The following SLC2A1 variants were observed in gnomAD, a reference collection of about 807,000 sequenced individuals.
The protein encoded by SLC2A1 is solute carrier family 2 member 1.
SLC2A1 carries 4 observed loss-of-function variants against 46.6 expected under a neutral mutation model. That is an observed-to-expected ratio of 0.09 (90% confidence interval 0.04 to 0.20). The LOEUF is 0.20. SLC2A1 is among the 10% of genes least tolerant of loss of function. The pLI is 1.00. For synonymous variants in SLC2A1, 253 were observed against 270.0 expected, an observed-to-expected ratio of 0.94 and a Z score of 0.62; for missense variants, 352 against 667.0, an observed-to-expected ratio of 0.53 and a Z score of 5.20.
chr1:42,948,687 G>T (rs955243699), intron 1 of SLC2A1, among the ~76,000 whole-genome samples: 6 of 152,162 alleles, frequency 3.9e-5, no homozygotes, highest in African/African-American at 1.4e-4. Context: ...CCAGCACTCT[G>T]GTAGGCCGAG....
intron 2 of SLC2A1, among the ~76,000 whole-genome samples, chr1:42,941,921 G>A (rs896873727): frequency 1.3e-5 from 2 of 152,262 alleles, no homozygotes; most frequent in Non-Finnish European, 1.5e-5. Flanking sequence ...CCCTGCAGCT[G>A]AGCATGACTC....
Position 42,930,062 on chromosome 1 carries a change from C to T in SLC2A1, c.517-27G>A, listed in dbSNP as rs377069598. ...TGGGGGAAGCAGGGGCCGTGAGCGCCTCTGCCCTGACCCCCTTTCCCACCC... is the reference window on the plus strand; with the variant it reads ...TGGGGGAAGCAGGGGCCGTGAGCGCTTCTGCCCTGACCCCCTTTCCCACCC... On this transcript the variant is annotated intron_variant, in intron 4 of 9. Transcript: ENST00000426263. The surrounding 1 kb of genome is among the most constrained non-coding windows in gnomAD (Gnocchi z 6.2). 49 of 1,612,750 alleles carry T rather than the reference C, an allele frequency of 3.0e-5. No homozygotes were observed. Among genetic ancestry groups the T allele is most frequent in the Non-Finnish European group, 4.1e-5 (48 of 1,179,884 alleles).
chr1:42,942,901 T>G, intron 2 of SLC2A1: 4 of 386,836 alleles, frequency 1.0e-5, no homozygotes, highest in East Asian at 5.9e-5. Context: ...AAATGCAGCA[T>G]TATTGTATTG....
Position 42,927,297 on chromosome 1 carries a change from G to A in SLC2A1, c.1279-56C>T. The A allele has an allele frequency of 5.9e-6, 9 of 1,537,926 alleles. No individual in the cohort carries two copies. Among genetic ancestry groups the A allele is most frequent in the East Asian group, 2.3e-5 (1 of 44,346 alleles). On this transcript the variant is annotated intron_variant, in intron 9 of 9. Transcript: ENST00000426263. This position sits in a 1 kb window ranked among gnomAD's most constrained non-coding sequence, Gnocchi z 5.3. ...GTCATGACCCTACATCCTGGCTGTA[G>A]GACTTTGGATAAGTCACTTTACCTT... is the stretch of plus-strand genomic sequence containing the variant.
At chr1:42,941,808 C>G (rs564806425) in intron 2 of SLC2A1, among the ~76,000 whole-genome samples, 2 of 152,206 alleles carry the variant, frequency 1.3e-5, no homozygotes, top group African/African-American at 4.8e-5. Flanking sequence ...CACACTTTGG[C>G]AAGAGCTGTC....
Position 42,943,118 on chromosome 1 carries a change from C to A in SLC2A1, c.114+108G>T, listed in dbSNP as rs371616227. ...GGCTGGAGAGGCAGACAGTACAGTG[C>A]GTTCATATAAATGACTCTAATTCAG... On this transcript the variant is annotated intron_variant, in intron 2 of 9. Coordinates refer to ENST00000426263, the MANE Select transcript of SLC2A1 (RefSeq NM_006516.4). The A allele has an allele frequency of 3.9e-6, 3 of 768,892 alleles. No individual in the cohort carries two copies. The African/African-American group carries it at 5.2e-5, about 13-fold the overall frequency. The allele number at this position is 768,892 out of a possible 1,614,324, so 47.6% of individuals were successfully genotyped here.
At chr1:42,928,297 C>A (rs1304741367) in intron 8 of SLC2A1, among the ~76,000 whole-genome samples, 1 of 152,212 alleles carries the variant, frequency 6.6e-6, no homozygotes, top group African/African-American at 2.4e-5. Context: ...TCGGCAACCA[C>A]CAAACTTTCC....
Position 42,929,190 on chromosome 1 carries a change from G to T in SLC2A1, c.972+20C>A, listed in dbSNP as rs781545555. On this transcript the variant is annotated intron_variant, in intron 7 of 9. Transcript: ENST00000426263. The surrounding 1 kb of genome is among the most constrained non-coding windows in gnomAD (Gnocchi z 6.0). The stretch of plus-strand genomic sequence containing the variant: ...TCCTCCCTGGGGTTTGGCTGGGGGG[G>T]CCAGTAAGCAAAGACTCACCGACAC... The T allele has an allele frequency of 1.2e-6, 2 of 1,603,720 alleles. No homozygotes were observed. The highest frequency in any genetic ancestry group is 1.7e-6 in the Non-Finnish European group (2 of 1,170,774).
chr1:42,947,053 C>A (rs570502728), intron 1 of SLC2A1, among the ~76,000 whole-genome samples: 1 of 152,316 alleles, frequency 6.6e-6, no homozygotes, highest in East Asian at 1.9e-4. Flanking sequence ...TTTGCTGGAT[C>A]GGTGAAGAAT....
chr1:42,958,202 G>A (rs985440662), intron 1 of SLC2A1, among the ~76,000 whole-genome samples: 114 of 151,790 alleles, frequency 7.5e-4, no homozygotes, highest in Non-Finnish European at 1.3e-3. Context: ...CCGGGGCCGG[G>A]CCGGGGGCTC....
rs768474648 is a variant in SLC2A1, at chr1:42,927,276, T to C, written c.1279-35A>G. On this transcript the variant is annotated intron_variant, in intron 9 of 9. Coordinates refer to ENST00000426263, the MANE Select transcript of SLC2A1 (RefSeq NM_006516.4). The surrounding 1 kb of genome is among the most constrained non-coding windows in gnomAD (Gnocchi z 5.3). The stretch of plus-strand genomic sequence containing the variant: ...ACACAGACACACTTGGTTGGAGTCA[T>C]GACCCTACATCCTGGCTGTAGGACT... The C allele has an allele frequency of 1.3e-6, 2 of 1,596,426 alleles. No individual in the cohort carries two copies. The highest frequency in any genetic ancestry group is 2.2e-5 in the South Asian group (2 of 90,618).
rs541458533 is a variant in SLC2A1, at chr1:42,958,159, G to C, written c.18+475C>G. On this transcript the variant is annotated intron_variant, in intron 1 of 9. Transcript: ENST00000426263. ...CGGGCTAGGGGAGCAGACGGAGAGC[G>C]GGGGCGGCTCCTGACTCCTCCGCGC... 2.0e-5 allele frequency among the ~76,000 whole-genome samples: 3 copies of C among 152,152 alleles called. No individual in the cohort carries two copies. In the South Asian group the frequency reaches 6.2e-4, roughly 32 times the overall value.
chr1:42,944,734 G>A (rs977736029), intron 1 of SLC2A1, among the ~76,000 whole-genome samples: 1 of 152,200 alleles, frequency 6.6e-6, no homozygotes, highest in Non-Finnish European at 1.5e-5. Context: ...AGCCCCCTCT[G>A]TGTGTGCGCT....
Position 42,930,346 on chromosome 1 carries a change from A to G in SLC2A1, c.516+280T>C. On this transcript the variant is annotated intron_variant, in intron 4 of 9. Transcript: ENST00000426263. The surrounding 1 kb of genome is among the most constrained non-coding windows in gnomAD (Gnocchi z 6.2). ...AGGGAAGGGGAAGCCTCCTGGAGAG[A>G]GGGTACTGTGCATAACAGCCTGCGG... 2 of 639,968 alleles carry G rather than the reference A, an allele frequency of 3.1e-6. No homozygotes were observed. Among genetic ancestry groups the G allele is most frequent in the East Asian group, 2.8e-5 (1 of 36,078 alleles). The allele number at this position is 639,968 out of a possible 1,614,324, so 39.6% of individuals were successfully genotyped here. A position where few individuals can be genotyped will look rare whatever the true frequency, so the allele number is the denominator to read the frequency against.
chr1:42,938,699 C>T (rs565717844), intron 2 of SLC2A1, among the ~76,000 whole-genome samples: 43 of 152,340 alleles, frequency 2.8e-4, no homozygotes, highest in Non-Finnish European at 5.9e-4. Context: ...AATTCCGCAT[C>T]AGCAGAACAT....
intron 1 of SLC2A1, among the ~76,000 whole-genome samples, chr1:42,956,915 T>C (rs1365930742): frequency 6.6e-6 from 1 of 152,208 alleles, no homozygotes; most frequent in Non-Finnish European, 1.5e-5. Context: ...TTATTTCCCT[T>C]CTCTGAGCTC....
At position 42,927,834 on chromosome 1, in the gene SLC2A1, A is replaced by G; in HGVS notation, c.1075-26T>C. 2 of 1,565,868 alleles carry G rather than the reference A, an allele frequency of 1.3e-6. No homozygotes were observed. The highest frequency in any genetic ancestry group is 1.7e-6 in the Non-Finnish European group (2 of 1,143,166). On this transcript the variant is annotated intron_variant, in intron 8 of 9. Transcript: ENST00000426263. The surrounding 1 kb of genome is among the most constrained non-coding windows in gnomAD (Gnocchi z 5.3). Reference sequence around the variant, plus strand: ...CTGTTGAGGATGACGGAGAGGGGGAAAAGTTAGACTGGGTTGTGATGGATC... The same window carrying G: ...CTGTTGAGGATGACGGAGAGGGGGAGAAGTTAGACTGGGTTGTGATGGATC...
At chr1:42,933,921 T>C (rs754633741) in intron 2 of SLC2A1, among the ~76,000 whole-genome samples, 1 of 152,184 alleles carries the variant, frequency 6.6e-6, no homozygotes, top group Non-Finnish European at 1.5e-5. Flanking sequence ...TGGCTCCTGA[T>C]GGCTAAATTT....
Position 42,930,073 on chromosome 1 carries a change from C to G in SLC2A1, c.517-38G>C, listed in dbSNP as rs13306756. On this transcript the variant is annotated intron_variant, in intron 4 of 9. Coordinates refer to ENST00000426263, the MANE Select transcript of SLC2A1 (RefSeq NM_006516.4). The surrounding 1 kb of genome is among the most constrained non-coding windows in gnomAD (Gnocchi z 6.2). ...GGGGCCGTGAGCGCCTCTGCCCTGACCCCCTTTCCCACCCCGTCCTGCCAG... is the reference window on the plus strand; with the variant it reads ...GGGGCCGTGAGCGCCTCTGCCCTGAGCCCCTTTCCCACCCCGTCCTGCCAG... The G allele has an allele frequency of 1.2e-6, 2 of 1,611,190 alleles. No homozygotes were observed. Among genetic ancestry groups the G allele is most frequent in the Non-Finnish European group, 1.7e-6 (2 of 1,179,160 alleles).
Sources: allele counts gnomAD v4.1 joint callset (sites outside exome capture counted in the v4.1 genomes callset), GRCh38; gene constraint gnomAD v4.1.1; non-coding constraint Gnocchi (gnomAD v3.1); transcripts MANE v1.5; gene names NCBI Gene and HGNC (gene_info 2026-07-23, HGNC 2026-07-21).